C5: variants seen among roughly 807,000 people sequenced by gnomAD.
The protein encoded by C5 is complement C5, also known as C3 and PZP-like alpha-2-macroglobulin domain-containing protein 4.
C5 carries 140 observed loss-of-function variants against 218.8 expected under a neutral mutation model. The observed-to-expected ratio is 0.64, with a 90% CI of 0.56 to 0.74. The LOEUF is 0.74. Ranked by LOEUF, C5 falls within the 30% of genes least tolerant of loss-of-function variation. The probability of loss-of-function intolerance (pLI) is 0.00; values close to 1 mark genes in which losing one functional copy is unlikely to be tolerated. For synonymous variants in C5, 614 were observed against 682.3 expected (o/e 0.90, Z 1.56); for missense variants, 1,700 against 1,969.6 (o/e 0.86, Z 2.59).
rs550948578 is a variant in C5, at chr9:120,962,590, C to G, written c.4504+81G>C. 4.6e-6 allele frequency: 5 copies of G among 1,089,682 alleles called. No homozygotes were observed. In the East Asian group the frequency reaches 9.4e-5, roughly 20 times the overall value. 67.5% of individuals were successfully genotyped at this position (1,089,682 alleles called of 1,614,324 possible). A position where few individuals can be genotyped will look rare whatever the true frequency, so the allele number is the denominator to read the frequency against. ...TAAGAGAGGCAATACATAAAATTTA[C>G]AGGACTCTAGTGGATTTCTAAATGT... On this transcript the variant is annotated intron_variant, in intron 36 of 40. Coordinates refer to ENST00000223642, the MANE Select transcript of C5 (RefSeq NM_001735.3).
chr9:120,990,315 G>A (rs1668257301), intron 23 of C5, among the ~76,000 whole-genome samples: 1 of 152,200 alleles, frequency 6.6e-6, no homozygotes, highest in African/African-American at 2.4e-5. Context: ...TCGGTAATAT[G>A]TTATTGAATT....
intron 11 of C5, 78 bp downstream of exon 11, chr9:121,021,431 C>G: frequency 8.6e-7 from 1 of 1,167,862 alleles, no homozygotes; most frequent in Non-Finnish European, 1.3e-6. Flanking sequence ...TCTGCCGCAT[C>G]TGTTCTGCAC....
At chr9:121,074,528 G>C in the C5 span, among the ~76,000 whole-genome samples, 2 of 152,248 alleles carry the variant, frequency 1.3e-5, no homozygotes, top group Non-Finnish European at 1.5e-5. Flanking sequence ...TCAGAGAGAA[G>C]TGTGCTGATA....
chr9:120,974,804 T>G lies in C5; in HGVS notation c.3992A>C (p.Lys1331Thr). Reference sequence around the variant, plus strand: ...CTCTACTGGCCTCCCAAGGAAATTCTTGTCTGTCATTTTATAATTATGTAA... The same window carrying G: ...CTCTACTGGCCTCCCAAGGAAATTCGTGTCTGTCATTTTATAATTATGTAA... ...GALHNYKMTD[K>T]NFLGRPVEVL... Residue 1331 changes from lysine (K) to threonine (T), a missense_variant, in exon 30 of 41, where the codon AAG becomes ACG. Transcript: ENST00000223642. The G allele has an allele frequency of 6.2e-7, 1 of 1,614,024 alleles. No homozygotes were observed. The highest frequency in any genetic ancestry group is 8.5e-7 in the Non-Finnish European group (1 of 1,179,856).
chr9:120,957,146 C>A, intron 39 of C5, 139 bp downstream of exon 39: 2 of 658,800 alleles, frequency 3.0e-6, no homozygotes, highest in South Asian at 1.6e-5. Context: ...TGTTTCTCCC[C>A]AAGTAGAATA....
the C5 span, among the ~76,000 whole-genome samples, chr9:121,062,108 C>G: frequency 1.3e-5 from 2 of 152,088 alleles, no homozygotes; most frequent in Non-Finnish European, 2.9e-5. Flanking sequence ...TCTTTCTGCA[C>G]TCAAAACAAG....
the C5 span, among the ~76,000 whole-genome samples, chr9:121,062,300 G>T: frequency 6.6e-6 from 1 of 152,170 alleles, no homozygotes; most frequent in Non-Finnish European, 1.5e-5. Flanking sequence ...GAATGAGGAG[G>T]CAAGGAATTG....
intron 18 of C5, 119 bp from the exon 19 acceptor site, chr9:121,007,096 G>A (rs548464032): frequency 1.5e-4 from 110 of 734,052 alleles, no homozygotes; most frequent in South Asian, 9.7e-4. Context: ...AAAAATTCAC[G>A]AGATGAAATC....
At chr9:121,033,027 T>C (rs1198404580) in intron 5 of C5, among the ~76,000 whole-genome samples, 1 of 151,674 alleles carries the variant, frequency 6.6e-6, no homozygotes, top group African/African-American at 2.4e-5. Flanking sequence ...TGTGTGTGTG[T>C]GTGTGTGTGT....
At chr9:121,059,513 G>A in the C5 span, among the ~76,000 whole-genome samples, 1 of 152,150 alleles carries the variant, frequency 6.6e-6, no homozygotes, top group Non-Finnish European at 1.5e-5. This position sits in a 1 kb window ranked among gnomAD's most constrained non-coding sequence, Gnocchi z 4.1. Flanking sequence ...TTCAGCATAA[G>A]TTCCTTCATC....
At chr9:121,046,434 C>T (rs2047628533) in intron 1 of C5, 51 bp from the exon 2 acceptor site, 1 of 1,329,690 alleles carries the variant, frequency 7.5e-7, no homozygotes, top group Non-Finnish European at 1.1e-6. Flanking sequence ...GACATATTTT[C>T]TTTTACTTTT....
chr9:121,061,772 T>C, the C5 span, among the ~76,000 whole-genome samples: 1 of 152,270 alleles, frequency 6.6e-6, no homozygotes, highest in Non-Finnish European at 1.5e-5. Flanking sequence ...TATGTCATAG[T>C]TCATACATGT....
chr9:121,029,035 A>G (rs1298984012), intron 7 of C5, among the ~76,000 whole-genome samples: 2 of 152,184 alleles, frequency 1.3e-5, no homozygotes, highest in Non-Finnish European at 2.9e-5. Context: ...TTATGTTTTT[A>G]AAAGGTACGT....
At position 121,019,825 on chromosome 9, in the gene C5, GT is replaced by G. The variant is rs372125616; in HGVS notation, c.1506+150del. On this transcript the variant is annotated intron_variant, in intron 12 of 40. Transcript: ENST00000223642. ...ATGAAAATCATGCCCTATTTCAAAG[GT>G]TTTTTGAGAAACTGATGTTCAAGTT... The G allele has an allele frequency of 1.6e-5, 10 of 626,010 alleles. No homozygotes were observed. The African/African-American group carries it at 1.8e-4, about 12-fold the overall frequency. 38.8% of individuals were successfully genotyped at this position (626,010 alleles called of 1,614,324 possible).
rs373156611 is a variant in C5, at chr9:121,023,381, G to A, written c.1116+23C>T. ...GAACAAGATGATCATATGTAGCAAC[G>A]TCTACCCCCTCACCCAATCTACCTT... is the stretch of plus-strand genomic sequence containing the variant. On this transcript the variant is annotated intron_variant, in intron 10 of 40. Transcript: ENST00000223642. 5.8e-5 allele frequency: 79 copies of A among 1,354,808 alleles called. No individual in the cohort carries two copies. In the African/African-American group the frequency reaches 7.4e-4, roughly 13 times the overall value. The allele number at this position is 1,354,808 out of a possible 1,614,324, so 83.9% of individuals were successfully genotyped here. A position where few individuals can be genotyped will look rare whatever the true frequency, so the allele number is the denominator to read the frequency against.
the C5 span, chr9:121,074,811 G>A: frequency 2.2e-6 from 1 of 455,594 alleles, no homozygotes; most frequent in East Asian, 6.9e-5. Flanking sequence ...GCGGCCGGAA[G>A]CCTCGCGCCC....
chr9:121,063,236 A>C, the C5 span, among the ~76,000 whole-genome samples: 1 of 150,086 alleles, frequency 6.7e-6, no homozygotes, highest in African/African-American at 2.5e-5. Flanking sequence ...TGCTCCTCAG[A>C]CTGGATAATC....
Position 121,020,131 on chromosome 9 carries a change from C to A in C5, c.1351G>T (p.Gly451Cys). ...GATGAGTATGCTATTGCTCGGTAAC[C>A]TTCCCTGGCCTGATTTTCTTCTGGA... ...DLPEENQAREGYRAIAYSSLS... is the reference protein window; with the variant it reads ...DLPEENQARECYRAIAYSSLS... The change falls in exon 12 of 41, where the codon GGT becomes TGT. Residue 451 changes from glycine (G) to cysteine (C), a missense_variant. Physicochemically the swap from Gly to Cys is radical, Grantham distance 159. Coordinates refer to ENST00000223642, the MANE Select transcript of C5 (RefSeq NM_001735.3). 1 of 1,614,022 alleles carries A rather than the reference C, an allele frequency of 6.2e-7. No individual in the cohort carries two copies. The highest frequency in any genetic ancestry group is 8.5e-7 in the Non-Finnish European group (1 of 1,179,934).
intron 3 of C5, among the ~76,000 whole-genome samples, chr9:121,040,799 G>A (rs2131814659): frequency 6.6e-6 from 1 of 152,240 alleles, no homozygotes; most frequent in South Asian, 2.1e-4. Context: ...CTCAAGCTGT[G>A]ACTTGAACCC....
Sources: gnomAD v4.1 joint callset for allele counts (sites outside exome capture counted in the v4.1 genomes callset) on GRCh38, gnomAD v4.1.1 for gene constraint, Gnocchi (gnomAD v3.1) non-coding constraint, MANE v1.5 for transcripts, NCBI Gene and HGNC (gene_info 2026-07-23, HGNC 2026-07-21) for gene names.